GRIN2A: variants seen among roughly 807,000 people sequenced by gnomAD.
GRIN2A encodes glutamate ionotropic receptor NMDA type subunit 2A.
A neutral mutation model predicts 113.4 loss-of-function variants in GRIN2A; 22 were observed. The observed-to-expected ratio is 0.19, with a 90% CI of 0.14 to 0.28. GRIN2A has a LOEUF of 0.28. Ranked by LOEUF, GRIN2A falls within the 10% of genes least tolerant of loss-of-function variation. The probability of loss-of-function intolerance (pLI) is 1.00; values close to 1 mark genes in which losing one functional copy is unlikely to be tolerated. For missense variants in GRIN2A, 1,502 were observed against 1,887.0 expected, an observed-to-expected ratio of 0.80 and a Z score of 3.78; for synonymous variants, 827 against 738.4, an observed-to-expected ratio of 1.12 and a Z score of -1.94.
chr16:10,156,167 C>T (rs1487925426), intron 2 of GRIN2A, among the ~76,000 whole-genome samples: 1 of 152,158 alleles, frequency 6.6e-6, no homozygotes. Flanking sequence ...AGCTCCTGTC[C>T]CCCACAGTGA....
intron 11 of GRIN2A, among the ~76,000 whole-genome samples, chr16:9,772,323 C>T (rs2267771): frequency 0.018 from 2,783 of 152,292 alleles, 324 homozygotes; most frequent in Admixed American, 0.17. Flanking sequence ...CAATGCCATC[C>T]CTTTGGAAAT....
chr16:9,775,559 G>C (rs1001303881), intron 11 of GRIN2A, among the ~76,000 whole-genome samples: 12 of 152,192 alleles, frequency 7.9e-5, no homozygotes, highest in African/African-American at 2.9e-4. Context: ...ATTTGCATAG[G>C]GCTGGAGGCA....
intron 2 of GRIN2A, chr16:10,027,543 A>G (rs1477676505): frequency 6.6e-6 from 1 of 152,252 alleles, no homozygotes; most frequent in Non-Finnish European, 1.5e-5. Context: ...ATAAGATGAC[A>G]AATCCTGCTC....
intron 2 of GRIN2A, among the ~76,000 whole-genome samples, chr16:10,115,813 C>G (rs2048719844): frequency 6.6e-6 from 1 of 151,894 alleles, no homozygotes. Flanking sequence ...CATAATTACT[C>G]AGGACTTTTT....
chr16:9,814,639 A>G (rs1194108571), intron 10 of GRIN2A, among the ~76,000 whole-genome samples: 1 of 152,118 alleles, frequency 6.6e-6, no homozygotes, highest in African/African-American at 2.4e-5. Context: ...TTTAGTCACT[A>G]CAGAACTCCA....
At chr16:10,148,874 G>A (rs987973336) in intron 2 of GRIN2A, among the ~76,000 whole-genome samples, 2 of 152,170 alleles carry the variant, frequency 1.3e-5, no homozygotes, top group African/African-American at 4.8e-5. Flanking sequence ...ACACAATGGA[G>A]TACTAATCAG....
chr16:9,781,987 A>C (rs1034445541), intron 11 of GRIN2A, among the ~76,000 whole-genome samples: 1 of 152,332 alleles, frequency 6.6e-6, no homozygotes, highest in Admixed American at 6.5e-5. Flanking sequence ...ATGGACTATA[A>C]AAGTATATAT....
intron 4 of GRIN2A, among the ~76,000 whole-genome samples, chr16:9,859,609 T>TACACACAC (rs55697606): frequency 4.2e-5 from 6 of 141,244 alleles, no homozygotes; most frequent in African/African-American, 1.0e-4. Flanking sequence ...CTCGAACCTC[T>TACACACAC]ACACACACAC....
At chr16:9,783,215 A>G (rs972608010) in intron 11 of GRIN2A, among the ~76,000 whole-genome samples, 2 of 152,250 alleles carry the variant, frequency 1.3e-5, no homozygotes, top group African/African-American at 4.8e-5. Flanking sequence ...ATAAAAAATT[A>G]GACTCAATCA....
At chr16:9,899,592 A>G (rs1425705557) in intron 3 of GRIN2A, among the ~76,000 whole-genome samples, 4 of 152,138 alleles carry the variant, frequency 2.6e-5, no homozygotes, top group Non-Finnish European at 5.9e-5. Flanking sequence ...TATTCTTTCA[A>G]CACAAATTCT....
chr16:9,831,594 C>A (rs916873646), intron 8 of GRIN2A, among the ~76,000 whole-genome samples: 2 of 150,140 alleles, frequency 1.3e-5, no homozygotes, highest in African/African-American at 4.9e-5. Context: ...CGGCTCACTG[C>A]AGCCTCCACT....
At chr16:9,788,309 T>G (rs984011322) in intron 11 of GRIN2A, among the ~76,000 whole-genome samples, 6 of 152,058 alleles carry the variant, frequency 3.9e-5, no homozygotes, top group African/African-American at 1.4e-4. Context: ...CAGGCTGGAG[T>G]GCAGTGGTGT....
At chr16:9,842,951 A>AAGAGAGAGAGAGAG (rs57545330) in intron 5 of GRIN2A, among the ~76,000 whole-genome samples, 5 of 145,136 alleles carry the variant, frequency 3.4e-5, no homozygotes, top group Admixed American at 1.4e-4. Flanking sequence ...GAAAGAAAGA[A>AAGAGAGAGAGAGAG]AGAGAGAGAG....
intron 2 of GRIN2A, among the ~76,000 whole-genome samples, chr16:9,997,890 T>G (rs1008237581): frequency 6.6e-6 from 1 of 152,226 alleles, no homozygotes; most frequent in East Asian, 1.9e-4. Context: ...CCTTCCACCA[T>G]GATTGTGAGG....
chr16:10,087,326 T>C (rs1032397004), intron 2 of GRIN2A, among the ~76,000 whole-genome samples: 2 of 152,248 alleles, frequency 1.3e-5, no homozygotes, highest in Non-Finnish European at 2.9e-5. Context: ...TACTGGACAA[T>C]TGGAATCCTC....
intron 2 of GRIN2A, among the ~76,000 whole-genome samples, chr16:10,021,694 A>G (rs2046726284): frequency 6.6e-6 from 1 of 152,128 alleles, no homozygotes; most frequent in Non-Finnish European, 1.5e-5. Flanking sequence ...AGGTGGAAAG[A>G]AAAGCATATG....
chr16:10,166,280 C>T (rs1363776251), intron 2 of GRIN2A, among the ~76,000 whole-genome samples: 1 of 152,162 alleles, frequency 6.6e-6, no homozygotes, highest in African/African-American at 2.4e-5. Context: ...CTGCAAAAAG[C>T]TCAATGTTTG....
At chr16:10,010,653 T>A (rs531210834) in intron 2 of GRIN2A, among the ~76,000 whole-genome samples, 1 of 152,180 alleles carries the variant, frequency 6.6e-6, no homozygotes, top group South Asian at 2.1e-4. Context: ...GTGAATACTA[T>A]GGATTTGCAG....
chr16:9,889,230 C>T (rs1005758510), intron 4 of GRIN2A, among the ~76,000 whole-genome samples: 1 of 151,982 alleles, frequency 6.6e-6, no homozygotes, highest in African/African-American at 2.4e-5. Flanking sequence ...TTATCTATAT[C>T]GTTGAATTTG....
Sources: allele counts gnomAD v4.1 joint callset (sites outside exome capture counted in the v4.1 genomes callset), GRCh38; gene constraint gnomAD v4.1.1; transcripts MANE v1.5; gene names NCBI Gene and HGNC (gene_info 2026-07-23, HGNC 2026-07-21).